The following SLA2 variants were observed in gnomAD, a reference collection of about 807,000 sequenced individuals.
SLA2 encodes the protein Src like adaptor 2.
Under a neutral mutation model 27.3 loss-of-function variants are expected in SLA2, and 22 were observed. That is an observed-to-expected ratio of 0.81 (90% confidence interval 0.58 to 1.15). The LOEUF (loss-of-function observed/expected upper bound fraction) is 1.15, where lower values mean the gene tolerates loss of function less well. Among genes scored for constraint, SLA2 ranks in the 50% most tolerant of loss-of-function variants. The pLI is 0.00. For synonymous variants in SLA2, 131 were observed against 137.8 expected (o/e 0.95, Z 0.34); for missense variants, 304 against 322.2 (o/e 0.94, Z 0.43).
intron 5 of SLA2, among the ~76,000 whole-genome samples, chr20:36,629,935 T>C (rs1479660929): frequency 1.4e-5 from 2 of 146,862 alleles, no homozygotes; most frequent in Non-Finnish European, 1.5e-5. Flanking sequence ...AGACTCTGTC[T>C]CAAAAAAAAA....
At chr20:36,630,262 C>T (rs2039380681) in intron 5 of SLA2, among the ~76,000 whole-genome samples, 1 of 152,174 alleles carries the variant, frequency 6.6e-6, no homozygotes, top group African/African-American at 2.4e-5. Context: ...GGTGGGGGTG[C>T]TGATGCTGCC....
chr20:36,633,720 T>A, intron 3 of SLA2, 91 bp from the exon 4 acceptor site: 1 of 1,029,608 alleles, frequency 9.7e-7, no homozygotes, highest in Non-Finnish European at 1.5e-6. Flanking sequence ...CCTCTCAGGC[T>A]GGATCCTGTG....
At chr20:36,643,004 G>C (rs1204813217) in intron 1 of SLA2, among the ~76,000 whole-genome samples, 1 of 152,180 alleles carries the variant, frequency 6.6e-6, no homozygotes, top group East Asian at 1.9e-4. Context: ...TGAGCCATGG[G>C]ACCCAGCCTC....
At chr20:36,629,727 T>C (rs1034600017) in intron 5 of SLA2, among the ~76,000 whole-genome samples, 4 of 151,942 alleles carry the variant, frequency 2.6e-5, no homozygotes, top group African/African-American at 9.7e-5. Flanking sequence ...TGAACCGAGA[T>C]CGCACCACTG....
At chr20:36,615,995 G>A (rs1206699914) in intron 5 of SLA2, among the ~76,000 whole-genome samples, 1 of 152,314 alleles carries the variant, frequency 6.6e-6, no homozygotes, top group East Asian at 1.9e-4. Flanking sequence ...CTACATATAA[G>A]CATAAGGAAA....
At chr20:36,643,267 G>A (rs1453885469) in intron 1 of SLA2, among the ~76,000 whole-genome samples, 1 of 152,216 alleles carries the variant, frequency 6.6e-6, no homozygotes, top group Non-Finnish European at 1.5e-5. Context: ...CTATTTTAAA[G>A]TGTTTGGGGA....
In SLA2 at chr20:36,614,362, T is replaced by A; in HGVS notation, c.608A>T (p.Asp203Val). 2 of 1,614,172 alleles carry A rather than the reference T, an allele frequency of 1.2e-6. No individual in the cohort carries two copies. The highest frequency in any genetic ancestry group is 1.7e-6 in the Non-Finnish European group (2 of 1,180,028). Reference protein sequence around the residue: ...LQRAGPLPGKDIPLPVTVQRT... With the variant: ...LQRAGPLPGKVIPLPVTVQRT... ...CTGCACAGTCACAGGTAGGGGTATA[T>A]CCTTGCCAGGGAGCGGGCCAGCCCT... The change falls in exon 7 of 8, where the codon GAT (aspartate) becomes GTT (valine). Residue 203 changes from aspartate to valine, a missense_variant. Physicochemically the swap from Asp to Val is radical, Grantham distance 152 (BLOSUM62 -3). Transcript: ENST00000262866.
chr20:36,639,377 GC>G (rs1025900380), intron 2 of SLA2, among the ~76,000 whole-genome samples: 1 of 150,930 alleles, frequency 6.6e-6, no homozygotes, highest in Non-Finnish European at 1.5e-5. Flanking sequence ...GTGTGAGCCA[GC>G]TCCTCAAAAA....
intron 5 of SLA2, among the ~76,000 whole-genome samples, chr20:36,624,961 C>A (rs1294632462): frequency 5.3e-5 from 8 of 152,120 alleles, no homozygotes; most frequent in Non-Finnish European, 1.2e-4. Context: ...GCAGTCTCTC[C>A]CAGCTCTTCA....
Position 36,612,589 on chromosome 20 carries a change from A to C in SLA2, c.*1277T>G. On this transcript the variant is annotated 3_prime_UTR_variant, in exon 8 of 8. Coordinates refer to ENST00000262866, the MANE Select transcript of SLA2 (RefSeq NM_032214.4). ...GATGATACCTGATAAAGCCTTTCCC[A>C]CCCCACCTGTAGCTTGGGAACCAGT... 1 of 269,430 alleles carries C rather than the reference A, an allele frequency of 3.7e-6. No homozygotes were observed. The highest frequency in any genetic ancestry group is 7.4e-6 in the Non-Finnish European group (1 of 135,210). 16.7% of individuals were successfully genotyped at this position (269,430 alleles called of 1,614,324 possible).
chr20:36,630,523 G>A (rs1568606348), intron 5 of SLA2, among the ~76,000 whole-genome samples: 1 of 152,164 alleles, frequency 6.6e-6, no homozygotes, highest in African/African-American at 2.4e-5. Context: ...GCCTTTCTTG[G>A]GGGCCTGGAG....
At chr20:36,634,973 G>T (rs1339360467) in intron 2 of SLA2, among the ~76,000 whole-genome samples, 3 of 152,124 alleles carry the variant, frequency 2.0e-5, no homozygotes, top group Non-Finnish European at 4.4e-5. Flanking sequence ...GACTACAGGT[G>T]TGCACCACTA....
chr20:36,619,513 A>T, intron 5 of SLA2, among the ~76,000 whole-genome samples: 1 of 151,134 alleles, frequency 6.6e-6, no homozygotes, highest in East Asian at 2.0e-4. Flanking sequence ...GCAATATAGC[A>T]AGACTCTGTG....
intron 2 of SLA2, among the ~76,000 whole-genome samples, chr20:36,639,549 CAACATCAAA>C (rs1488820408): frequency 5.3e-5 from 8 of 152,008 alleles, no homozygotes; most frequent in Admixed American, 5.2e-4. Flanking sequence ...GCCATAGTTC[CAACATCAAA>C]ATACTAGAAT....
chr20:36,625,216 A>ATTTTTTTTTTTT lies in SLA2; in HGVS notation c.382+7367_382+7378dup, dbSNP rs71186005. ...TATTCTCATCAGACCACGTACCCTG[A>ATTTTTTTTTTTT]TTTTTTTTTTTTTTTTTTTTTTTGA... On this transcript the variant is annotated intron_variant, in intron 5 of 7. Coordinates refer to ENST00000262866, the MANE Select transcript of SLA2 (RefSeq NM_032214.4). 5.9e-4 allele frequency among the ~76,000 whole-genome samples: 46 copies of ATTTTTTTTTTTT among 78,486 alleles called. 1 individual carries two copies. Among genetic ancestry groups the ATTTTTTTTTTTT allele is most frequent in the African/African-American group, 2.5e-3 (46 of 18,708 alleles). 51.5% of individuals were successfully genotyped at this position (78,486 alleles called of 152,430 possible).
intron 4 of SLA2, among the ~76,000 whole-genome samples, 157 bp from the exon 5 acceptor site, chr20:36,632,855 G>A (rs539867051): frequency 5.9e-5 from 9 of 152,238 alleles, no homozygotes; most frequent in African/African-American, 1.2e-4. Flanking sequence ...CAGGGTCTCC[G>A]AGGTCCATGC....
chr20:36,620,464 A>G, intron 5 of SLA2: 1 of 232,216 alleles, frequency 4.3e-6, no homozygotes, highest in South Asian at 5.6e-5. Context: ...GATTAAAACC[A>G]TAGAAGTTAT....
intron 5 of SLA2, among the ~76,000 whole-genome samples, chr20:36,627,633 A>AT (rs1274670997): frequency 6.6e-6 from 1 of 152,196 alleles, no homozygotes; most frequent in Non-Finnish European, 1.5e-5. Flanking sequence ...GACAGCGCAG[A>AT]GGGGCTGCTG....
intron 2 of SLA2, among the ~76,000 whole-genome samples, chr20:36,640,767 T>G (rs2147997417): frequency 6.6e-6 from 1 of 152,312 alleles, no homozygotes; most frequent in African/African-American, 2.4e-5. Context: ...TCTGCCCGCC[T>G]TGGCCTCCCA....
Sources: gnomAD v4.1 joint callset for allele counts (sites outside exome capture counted in the v4.1 genomes callset) on GRCh38, gnomAD v4.1.1 for gene constraint, MANE v1.5 for transcripts, NCBI Gene and HGNC (gene_info 2026-07-23, HGNC 2026-07-21) for gene names.